Variants in CNTNAP2 observed in about 807,000 individuals in gnomAD.
CNTNAP2 encodes the protein contactin-associated protein-like 2.
Under a neutral mutation model 155.2 loss-of-function variants are expected in CNTNAP2, and 98 were observed. The observed-to-expected ratio is 0.63, with a 90% confidence interval of 0.54 to 0.75. CNTNAP2 has a LOEUF of 0.75. Ranked by LOEUF, CNTNAP2 falls within the 30% of genes least tolerant of loss-of-function variation. The pLI is 0.00. For missense variants in CNTNAP2, 1,727 were observed against 1,688.1 expected, an observed-to-expected ratio of 1.02 and a Z score of -0.40; for synonymous variants, 651 against 631.2, an observed-to-expected ratio of 1.03 and a Z score of -0.47.
chr7:147,798,879 A>T (rs925824288), intron 13 of CNTNAP2, among the ~76,000 whole-genome samples: 1 of 152,202 alleles, frequency 6.6e-6, no homozygotes, highest in Non-Finnish European at 1.5e-5. Flanking sequence ...ACTATTACCC[A>T]GCACACAGGG....
chr7:147,549,050 C>A (rs1484368820), intron 11 of CNTNAP2, among the ~76,000 whole-genome samples: 5 of 152,138 alleles, frequency 3.3e-5, no homozygotes, highest in Non-Finnish European at 5.9e-5. Flanking sequence ...ATGCCTCCAC[C>A]TTTGTTCTTT....
intron 1 of CNTNAP2, among the ~76,000 whole-genome samples, chr7:146,183,333 C>G (rs1275698131): frequency 1.3e-5 from 2 of 152,008 alleles, no homozygotes. Context: ...TGCAGTTAAC[C>G]CTTCATTGGT....
chr7:148,161,094 T>C (rs894807026), intron 17 of CNTNAP2, among the ~76,000 whole-genome samples: 6 of 152,210 alleles, frequency 3.9e-5, no homozygotes, highest in African/African-American at 7.2e-5. Context: ...TTGACAGTTA[T>C]AGATTTTTCA....
At chr7:146,982,366 C>T (rs113928757) in intron 3 of CNTNAP2, among the ~76,000 whole-genome samples, 5,319 of 152,160 alleles carry the variant, frequency 0.035, 122 homozygotes, top group Middle Eastern at 0.082. Context: ...ATTAACACCC[C>T]ATTCTTTGTG....
chr7:147,998,919 C>G (rs1801853339), intron 15 of CNTNAP2, among the ~76,000 whole-genome samples: 2 of 152,146 alleles, frequency 1.3e-5, no homozygotes, highest in African/African-American at 4.8e-5. Context: ...AAACTCTTCA[C>G]TTGTGCTTAG....
At chr7:147,922,162 C>G (rs1316394146) in intron 14 of CNTNAP2, among the ~76,000 whole-genome samples, 1 of 152,048 alleles carries the variant, frequency 6.6e-6, no homozygotes, top group Non-Finnish European at 1.5e-5. Flanking sequence ...TTACAAATAT[C>G]GAAAGGAAAA....
intron 1 of CNTNAP2, among the ~76,000 whole-genome samples, chr7:146,283,016 G>A: frequency 6.6e-6 from 1 of 152,156 alleles, no homozygotes; most frequent in Admixed American, 6.5e-5. Context: ...CTAAGTCCTA[G>A]CAATTATTGT....
rs1800079382 is a variant in CNTNAP2 at position 148,420,033 on chromosome 7, A to T, written c.*4417A>T. 1 of 152,244 alleles carries T rather than the reference A, an allele frequency of 6.6e-6. No individual in the cohort carries two copies. The highest frequency in any genetic ancestry group is 1.5e-5 in the Non-Finnish European group (1 of 68,052). 9.4% of individuals were successfully genotyped at this position (152,244 alleles called of 1,614,324 possible). On this transcript the variant is annotated 3_prime_UTR_variant, in exon 24 of 24. Transcript: ENST00000361727. The stretch of plus-strand genomic sequence containing the variant: ...GTGGCTTGTGGTTGAAAGTCACATC[A>T]AAAGACAAATGTGGCCACGTTCAGG...
chr7:147,176,730 TA>T lies in CNTNAP2; in HGVS notation c.1348+44223del, dbSNP rs367640718. Among the ~76,000 whole-genome samples the T allele has an allele frequency of 4.1e-5, 5 of 121,356 alleles. No individual in the cohort carries two copies. The Admixed American group carries it at 4.8e-4, about 12-fold the overall frequency. 79.6% of individuals were successfully genotyped at this position (121,356 alleles called of 152,430 possible). A position where few individuals can be genotyped will look rare whatever the true frequency, so the allele number is the denominator to read the frequency against. On this transcript the variant is annotated intron_variant, in intron 8 of 23. Coordinates refer to ENST00000361727, the MANE Select transcript of CNTNAP2 (RefSeq NM_014141.6). The stretch of plus-strand genomic sequence containing the variant: ...ATATAATAGAATTATATATTATATA[TA>T]ATAGAATTATAATTATAATATATAA...
Position 147,268,194 on chromosome 7 carries a change from TCTA to T in CNTNAP2, c.1349-31943_1349-31941del, listed in dbSNP as rs1563140140. On this transcript the variant is annotated intron_variant, in intron 8 of 23. Transcript: ENST00000361727. ...ACCATTTGTAGACATTTATTAAATG[TCTA>T]CTATCTAAAAATTTAAATGTATGTA... Among the ~76,000 whole-genome samples, 2 of 152,248 alleles carry T rather than the reference TCTA, an allele frequency of 1.3e-5. 1 individual carries two copies. The highest frequency in any genetic ancestry group is 4.1e-4 in the South Asian group (2 of 4,830).
intron 4 of CNTNAP2, among the ~76,000 whole-genome samples, chr7:147,053,809 G>A (rs1369663422): frequency 6.6e-6 from 1 of 152,036 alleles, no homozygotes; most frequent in African/African-American, 2.4e-5. Flanking sequence ...CCTGGTTAAA[G>A]AGAAGAATAA....
At chr7:148,329,253 A>G (rs554972680) in intron 21 of CNTNAP2, among the ~76,000 whole-genome samples, 2 of 152,126 alleles carry the variant, frequency 1.3e-5, no homozygotes, top group Non-Finnish European at 2.9e-5. Flanking sequence ...GTTAAACTCC[A>G]TTTTTATATG....
chr7:147,186,842 G>T (rs1802576308), intron 8 of CNTNAP2, among the ~76,000 whole-genome samples: 2 of 152,116 alleles, frequency 1.3e-5, no homozygotes, highest in Non-Finnish European at 2.9e-5. Context: ...AGAAATGCAG[G>T]TTTGGTCCAG....
chr7:146,125,593 A>G (rs959828283), intron 1 of CNTNAP2, among the ~76,000 whole-genome samples: 2 of 150,664 alleles, frequency 1.3e-5, no homozygotes, highest in African/African-American at 4.9e-5. Context: ...AAAAAAAAAA[A>G]AAAAAAAAAA....
chr7:148,062,708 T>C (rs551275514), intron 15 of CNTNAP2, among the ~76,000 whole-genome samples: 119 of 152,236 alleles, frequency 7.8e-4, no homozygotes, highest in Non-Finnish European at 1.5e-3. Flanking sequence ...CAAAGATAGT[T>C]GTAGTTATTT....
intron 2 of CNTNAP2, among the ~76,000 whole-genome samples, chr7:146,797,662 C>T (rs916646282): frequency 2.0e-5 from 3 of 152,194 alleles, no homozygotes; most frequent in Non-Finnish European, 2.9e-5. Flanking sequence ...AACTGACTGA[C>T]TTCAGAGATA....
chr7:147,277,711 A>G (rs1804929690), intron 8 of CNTNAP2, among the ~76,000 whole-genome samples: 1 of 151,782 alleles, frequency 6.6e-6, no homozygotes, highest in South Asian at 2.1e-4. Flanking sequence ...TCATCCTCCC[A>G]AGAAATCTGT....
rs143258858 is a variant in CNTNAP2, at chr7:147,637,820, A to G, written c.1898-1286A>G. ...ATCATGTGTGGTTTCACTTGTGGTT[A>G]TATTAGCAGCCATTGATAATCATTG... is the stretch of plus-strand genomic sequence containing the variant. On this transcript the variant is annotated intron_variant, in intron 12 of 23. Coordinates refer to ENST00000361727, the MANE Select transcript of CNTNAP2 (RefSeq NM_014141.6). 6.2e-3 allele frequency among the ~76,000 whole-genome samples: 946 copies of G among 152,256 alleles called. 8 individuals are homozygous for G. The highest frequency in any genetic ancestry group is 0.013 in the Admixed American group (203 of 15,288).
chr7:146,820,521 G>A (rs979433908), intron 2 of CNTNAP2, among the ~76,000 whole-genome samples: 6 of 152,224 alleles, frequency 3.9e-5, no homozygotes, highest in African/African-American at 1.4e-4. Flanking sequence ...TTGCACTGTG[G>A]TCTGAGAGAC....
Sources: allele counts gnomAD v4.1 joint callset (sites outside exome capture counted in the v4.1 genomes callset), GRCh38; gene constraint gnomAD v4.1.1; transcripts MANE v1.5; gene names NCBI Gene and HGNC (gene_info 2026-07-23, HGNC 2026-07-21).